Variants in ROBO1 observed in about 807,000 individuals in gnomAD.
ROBO1 encodes the protein roundabout guidance receptor 1.
ROBO1 carries 149 observed loss-of-function variants against 195.9 expected under a neutral mutation model. That is an observed-to-expected ratio of 0.76 (90% CI 0.67 to 0.87). The LOEUF is 0.87. Among genes scored for constraint, ROBO1 ranks in the 40% least tolerant of loss-of-function variants. The pLI is 0.00. For missense variants in ROBO1, 1,933 were observed against 2,068.3 expected, an observed-to-expected ratio of 0.93 and a Z score of 1.27; for synonymous variants, 816 against 733.2, an observed-to-expected ratio of 1.11 and a Z score of -1.82.
At chr3:78,800,356 G>A (rs1398522353) in intron 4 of ROBO1, among the ~76,000 whole-genome samples, 1 of 151,986 alleles carries the variant, frequency 6.6e-6, no homozygotes. Flanking sequence ...AAAAGAATTG[G>A]CCTAATTATA....
chr3:79,173,267 C>T (rs1258995824), intron 2 of ROBO1, among the ~76,000 whole-genome samples: 1 of 152,180 alleles, frequency 6.6e-6, no homozygotes, highest in Admixed American at 6.5e-5. Flanking sequence ...CCCACCGCTG[C>T]ACTGTGGGAG....
intron 3 of ROBO1, 115 bp downstream of exon 3, chr3:79,125,341 G>A: frequency 1.3e-6 from 1 of 797,088 alleles, no homozygotes; most frequent in Non-Finnish European, 2.1e-6. Context: ...ATGAGAAATT[G>A]TGGTTGTTAG....
At chr3:78,810,699 A>C (rs940168470) in intron 4 of ROBO1, among the ~76,000 whole-genome samples, 4 of 151,742 alleles carry the variant, frequency 2.6e-5, no homozygotes, top group Middle Eastern at 3.2e-3. Context: ...ACCCTGTAAA[A>C]TTTTCACACT....
chr3:79,681,174 G>A (rs1181894562), intron 1 of ROBO1, among the ~76,000 whole-genome samples: 3 of 151,988 alleles, frequency 2.0e-5, no homozygotes, highest in Admixed American at 1.3e-4. Flanking sequence ...GATAGATAAC[G>A]ATGAAGGAGT....
At chr3:79,681,497 A>T (rs1051623509) in intron 1 of ROBO1, among the ~76,000 whole-genome samples, 1 of 151,986 alleles carries the variant, frequency 6.6e-6, no homozygotes, top group Non-Finnish European at 1.5e-5. Context: ...GGGGGATAGG[A>T]TCAGAATAGA....
intron 2 of ROBO1, among the ~76,000 whole-genome samples, chr3:79,370,781 C>G (rs915681286): frequency 3.9e-5 from 6 of 151,984 alleles, no homozygotes; most frequent in African/African-American, 1.4e-4. Flanking sequence ...ACCCCATCAT[C>G]TAGGTTTTAA....
chr3:79,006,757 GAAAA>G (rs11345487), intron 3 of ROBO1, among the ~76,000 whole-genome samples: 1 of 115,240 alleles, frequency 8.7e-6, no homozygotes. Context: ...CAAAATATCG[GAAAA>G]AAAAAAAAAA....
chr3:79,055,067 C>T (rs991119567), intron 3 of ROBO1, among the ~76,000 whole-genome samples: 2 of 152,080 alleles, frequency 1.3e-5, no homozygotes, highest in South Asian at 4.1e-4. Context: ...TAATTTTCCC[C>T]ATGGGGGTCA....
intron 4 of ROBO1, among the ~76,000 whole-genome samples, chr3:78,842,650 C>G (rs1024133650): frequency 6.7e-6 from 1 of 148,882 alleles, no homozygotes; most frequent in African/African-American, 2.5e-5. Flanking sequence ...CTACATTGCC[C>G]ATAATAAAGG....
At chr3:79,122,938 T>TA (rs1486647506) in intron 3 of ROBO1, among the ~76,000 whole-genome samples, 2 of 151,876 alleles carry the variant, frequency 1.3e-5, no homozygotes, top group Non-Finnish European at 2.9e-5. Context: ...CAACATGTAG[T>TA]AAAAAAATAA....
intron 2 of ROBO1, among the ~76,000 whole-genome samples, chr3:79,572,239 G>A (rs7624639): frequency 0.13 from 18,998 of 151,886 alleles, 1,359 homozygotes; most frequent in African/African-American, 0.18. Flanking sequence ...ATATACATTT[G>A]ATACCTCAAA....
intron 4 of ROBO1, among the ~76,000 whole-genome samples, chr3:78,775,080 GA>G (rs2083470489): frequency 6.6e-6 from 1 of 152,140 alleles, no homozygotes; most frequent in African/African-American, 2.4e-5. Context: ...ACACTTTGAA[GA>G]AATGCATATG....
At chr3:79,365,260 C>T (rs946407548) in intron 2 of ROBO1, among the ~76,000 whole-genome samples, 4 of 152,168 alleles carry the variant, frequency 2.6e-5, no homozygotes, top group Non-Finnish European at 4.4e-5. Flanking sequence ...GCTTCTTTCT[C>T]ACCTGCTTGG....
intron 2 of ROBO1, among the ~76,000 whole-genome samples, chr3:79,517,413 T>C (rs1211735431): frequency 6.6e-6 from 1 of 152,210 alleles, no homozygotes; most frequent in Non-Finnish European, 1.5e-5. Flanking sequence ...TTTTCCTTAT[T>C]GTTCTCTAAA....
chr3:78,812,885 C>T (rs946919165), intron 4 of ROBO1, among the ~76,000 whole-genome samples: 4 of 152,066 alleles, frequency 2.6e-5, no homozygotes, highest in African/African-American at 9.7e-5. Context: ...CACATAATCA[C>T]ATGACTGCAA....
At position 78,868,097 on chromosome 3, in the gene ROBO1, G is replaced by A. The variant is rs180741825; in HGVS notation, c.499+70504C>T. 1.7e-3 allele frequency among the ~76,000 whole-genome samples: 258 copies of A among 152,236 alleles called. 1 individual carries two copies. Among genetic ancestry groups the A allele is most frequent in the Middle Eastern group, 3.4e-3 (1 of 292 alleles). On this transcript the variant is annotated intron_variant, in intron 4 of 30. Coordinates refer to ENST00000464233, the MANE Select transcript of ROBO1 (RefSeq NM_002941.4). The stretch of plus-strand genomic sequence containing the variant: ...ACATTTCTTACACCCTTACTCAGGC[G>A]ACAGCATTTCTGCCTAATTACCCAA...
intron 3 of ROBO1, among the ~76,000 whole-genome samples, chr3:79,120,724 T>G (rs181024571): frequency 6.6e-6 from 1 of 152,036 alleles, no homozygotes; most frequent in African/African-American, 2.4e-5. Context: ...ATCTAGAATG[T>G]TAAAAAAATG....
intron 2 of ROBO1, among the ~76,000 whole-genome samples, chr3:79,265,137 T>G (rs137943730): frequency 8.8e-4 from 133 of 151,994 alleles, no homozygotes; most frequent in African/African-American, 3.0e-3. Context: ...GTTTTGAGAT[T>G]ATCTAATCAG....
At chr3:79,728,422 CCT>C (rs1415804270) in intron 1 of ROBO1, among the ~76,000 whole-genome samples, 6 of 151,976 alleles carry the variant, frequency 3.9e-5, no homozygotes, top group African/African-American at 1.2e-4. Flanking sequence ...AATTTCATCC[CCT>C]CTCATATTTC....
Sources: gnomAD v4.1 joint callset for allele counts (sites outside exome capture counted in the v4.1 genomes callset) on GRCh38, gnomAD v4.1.1 for gene constraint, MANE v1.5 for transcripts, NCBI Gene and HGNC (gene_info 2026-07-23, HGNC 2026-07-21) for gene names.